ZCCHC7: variants seen among roughly 807,000 people sequenced by gnomAD.
ZCCHC7 encodes zinc finger CCHC-type containing 7.
In ZCCHC7, 35 loss-of-function variants were observed where a neutral mutation model predicts 52.0. The ratio of observed to expected loss-of-function variants is 0.67; its 90% confidence interval spans 0.51 to 0.89. The LOEUF (loss-of-function observed/expected upper bound fraction) is 0.89, where lower values mean the gene tolerates loss of function less well. Ranked by LOEUF, ZCCHC7 falls within the 40% of genes least tolerant of loss-of-function variation. ZCCHC7 has a pLI of 0.00. For synonymous variants in ZCCHC7, 217 were observed against 221.5 expected (o/e 0.98, Z 0.18); for missense variants, 574 against 649.1 (o/e 0.88, Z 1.26).
chr9:37,279,208 C>CA lies in ZCCHC7; in HGVS notation c.611-22968dup, dbSNP rs879633649. On this transcript the variant is annotated intron_variant, in intron 2 of 8. Coordinates refer to ENST00000336755, the MANE Select transcript of ZCCHC7 (RefSeq NM_032226.3). ...TTTCAAATGTATATGATGTTGAAAG[C>CA]AAAAAAAAAAAAGTAACATTGGGTG... 3.8e-3 allele frequency among the ~76,000 whole-genome samples: 466 copies of CA among 123,146 alleles called. 1 individual carries two copies. Among genetic ancestry groups the CA allele is most frequent in the African/African-American group, 9.5e-3 (315 of 33,264 alleles). 80.8% of individuals were successfully genotyped at this position (123,146 alleles called of 152,430 possible). A position where few individuals can be genotyped will look rare whatever the true frequency, so the allele number is the denominator to read the frequency against.
At chr9:37,209,261 C>G (rs1481088881) in intron 2 of ZCCHC7, among the ~76,000 whole-genome samples, 1 of 152,148 alleles carries the variant, frequency 6.6e-6, no homozygotes, top group Non-Finnish European at 1.5e-5. Context: ...AGGATGGTCT[C>G]GATCTCCTGA....
intron 5 of ZCCHC7, among the ~76,000 whole-genome samples, chr9:37,324,845 G>A (rs1281821306): frequency 6.6e-6 from 1 of 152,182 alleles, no homozygotes; most frequent in Non-Finnish European, 1.5e-5. Context: ...CATTGTTGTG[G>A]AAATATGAGA....
At chr9:37,285,606 A>T (rs543883025) in intron 2 of ZCCHC7, among the ~76,000 whole-genome samples, 9 of 151,532 alleles carry the variant, frequency 5.9e-5, no homozygotes. Context: ...AAAAAATCAA[A>T]TTTATATTTA....
chr9:37,317,786 A>G (rs1270956777), intron 5 of ZCCHC7, among the ~76,000 whole-genome samples: 2 of 151,942 alleles, frequency 1.3e-5, no homozygotes, highest in African/African-American at 4.8e-5. Context: ...AACAATAAAC[A>G]TTTTCATAGT....
intron 2 of ZCCHC7, among the ~76,000 whole-genome samples, chr9:37,265,991 G>A (rs1209756637): frequency 6.6e-6 from 1 of 151,934 alleles, no homozygotes; most frequent in African/African-American, 2.4e-5. Flanking sequence ...CCAAATCCCT[G>A]CATGTTGAAT....
chr9:37,318,797 C>T (rs1170701504), intron 5 of ZCCHC7, among the ~76,000 whole-genome samples: 2 of 151,926 alleles, frequency 1.3e-5, no homozygotes, highest in Admixed American at 1.3e-4. Context: ...CCTATAATCC[C>T]TCCTACTTGG....
intron 6 of ZCCHC7, among the ~76,000 whole-genome samples, chr9:37,341,786 A>G (rs1481627915): frequency 6.6e-6 from 1 of 152,100 alleles, no homozygotes; most frequent in Non-Finnish European, 1.5e-5. Context: ...TAAATCTGGG[A>G]GAAGAGTGAT....
At chr9:37,288,067 C>G (rs1330677421) in intron 2 of ZCCHC7, among the ~76,000 whole-genome samples, 1 of 151,722 alleles carries the variant, frequency 6.6e-6, no homozygotes, top group Admixed American at 6.6e-5. Context: ...TGGCTTGAGC[C>G]CAAAAATTTG....
At chr9:37,170,250 T>C (rs1217647143) in intron 2 of ZCCHC7, among the ~76,000 whole-genome samples, 1 of 152,226 alleles carries the variant, frequency 6.6e-6, no homozygotes, top group Non-Finnish European at 1.5e-5. Context: ...TATTCTAATA[T>C]TAATTATTTG....
chr9:37,149,802 G>A lies in ZCCHC7; in HGVS notation c.610+22860G>A, dbSNP rs545053471. ...CTTTGACAGACTTTAAATAAAAATG[G>A]GAAACACATAAATGCAGTGTTGCCA... On this transcript the variant is annotated intron_variant, in intron 2 of 8. Transcript: ENST00000336755. Among the ~76,000 whole-genome samples, 6 of 152,134 alleles carry A rather than the reference G, an allele frequency of 3.9e-5. No homozygotes were observed. The South Asian group carries it at 1.2e-3, about 32-fold the overall frequency.
intron 2 of ZCCHC7, among the ~76,000 whole-genome samples, chr9:37,234,198 AT>A (rs1172214121): frequency 1.3e-5 from 2 of 152,124 alleles, no homozygotes; most frequent in Non-Finnish European, 2.9e-5. Context: ...TCACTTAGGC[AT>A]TTATCTGTTC....
chr9:37,183,497 T>A (rs887073480), intron 2 of ZCCHC7, among the ~76,000 whole-genome samples: 4 of 152,230 alleles, frequency 2.6e-5, no homozygotes, highest in African/African-American at 9.6e-5. Flanking sequence ...GTTTTGGGCC[T>A]CATGGACATT....
chr9:37,203,601 T>C (rs1158953105), intron 2 of ZCCHC7, among the ~76,000 whole-genome samples: 1 of 152,210 alleles, frequency 6.6e-6, no homozygotes, highest in Non-Finnish European at 1.5e-5. Flanking sequence ...GATGATGGCT[T>C]CCAGCTTCAT....
intron 2 of ZCCHC7, among the ~76,000 whole-genome samples, chr9:37,236,261 T>C (rs1825643973): frequency 6.6e-6 from 1 of 152,216 alleles, no homozygotes; most frequent in African/African-American, 2.4e-5. Flanking sequence ...GATGATACAT[T>C]ATTGTGGGAA....
chr9:37,238,159 T>C (rs1026354003), intron 2 of ZCCHC7, among the ~76,000 whole-genome samples: 2 of 152,188 alleles, frequency 1.3e-5, no homozygotes, highest in African/African-American at 4.8e-5. Context: ...AAGGAGAGAT[T>C]TGTTTATAGC....
chr9:37,121,529 T>C (rs1300776161), intron 1 of ZCCHC7: 1 of 152,210 alleles, frequency 6.6e-6, no homozygotes, highest in African/African-American at 2.4e-5. Context: ...CGTGTTTGAA[T>C]AGTTAGGCTG....
intron 2 of ZCCHC7, among the ~76,000 whole-genome samples, chr9:37,128,862 A>G (rs1292670098): frequency 6.6e-6 from 1 of 152,258 alleles, no homozygotes; most frequent in Non-Finnish European, 1.5e-5. Context: ...CAGAAACAAA[A>G]TGATCTTGGG....
In ZCCHC7 at chr9:37,352,682, A is replaced by ATT. The variant is rs34360630; in HGVS notation, c.1084-2014_1084-2013dup. On this transcript the variant is annotated intron_variant, in intron 7 of 8. Coordinates refer to ENST00000336755, the MANE Select transcript of ZCCHC7 (RefSeq NM_032226.3). ...CAGGCATGTGCCACCACACCTGGCT[A>ATT]TTTTTTTTTTTTTTTGTATTTTTAG... Among the ~76,000 whole-genome samples the ATT allele has an allele frequency of 3.4e-3, 459 of 136,758 alleles. 5 individuals are homozygous for ATT. Among genetic ancestry groups the ATT allele is most frequent in the African/African-American group, 0.012 (436 of 36,768 alleles). The allele number at this position is 136,758 out of a possible 152,430, so 89.7% of individuals were successfully genotyped here.
At chr9:37,195,526 A>G (rs778592240) in intron 2 of ZCCHC7, among the ~76,000 whole-genome samples, 16 of 152,156 alleles carry the variant, frequency 1.1e-4, no homozygotes, top group South Asian at 2.1e-4. Context: ...GAGTGGGAAG[A>G]TGACTATCCT....
Sources: allele counts gnomAD v4.1 joint callset (sites outside exome capture counted in the v4.1 genomes callset), GRCh38; gene constraint gnomAD v4.1.1; transcripts MANE v1.5; gene names NCBI Gene and HGNC (gene_info 2026-07-23, HGNC 2026-07-21).